The following FHIT variants were observed in gnomAD, a reference collection of about 807,000 sequenced individuals.
The protein encoded by FHIT is bis(5'-adenosyl)-triphosphatase.
Under a neutral mutation model 17.9 loss-of-function variants are expected in FHIT, and 19 were observed. The ratio of observed to expected loss-of-function variants is 1.06; its 90% CI spans 0.74 to 1.56. The LOEUF (loss-of-function observed/expected upper bound fraction) is 1.56, where lower values mean the gene tolerates loss of function less well. FHIT is among the 40% of genes most tolerant of loss of function. The pLI, the probability that FHIT is intolerant of heterozygous loss-of-function variation, is 0.00. For synonymous variants in FHIT, 81 were observed against 69.7 expected (o/e 1.16, Z -0.81); for missense variants, 248 against 189.2 (o/e 1.31, Z -1.82).
chr3:59,846,787 T>C (rs1180223964), intron 8 of FHIT, among the ~76,000 whole-genome samples: 2 of 152,206 alleles, frequency 1.3e-5, no homozygotes, highest in Non-Finnish European at 2.9e-5. Context: ...TCTCAGGTTT[T>C]ATCTGGGAAT....
rs147496729 is a variant in FHIT, at chr3:60,087,876, T to C, written c.104-73724A>G. 3.3e-5 allele frequency among the ~76,000 whole-genome samples: 5 copies of C among 152,298 alleles called. No homozygotes were observed. The East Asian group carries it at 9.6e-4, about 29-fold the overall frequency. ...TCCAAACTCTTCCGACTGCTGCCCA[T>C]TACCCCCAACCACTGGGTACTAATT... On this transcript the variant is annotated intron_variant, in intron 5 of 9. Coordinates refer to ENST00000492590, the MANE Select transcript of FHIT (RefSeq NM_002012.4).
chr3:60,175,698 G>A (rs1701638743), intron 5 of FHIT, among the ~76,000 whole-genome samples: 3 of 152,034 alleles, frequency 2.0e-5, no homozygotes, highest in African/African-American at 7.2e-5. Flanking sequence ...TTTTTCAGAA[G>A]GGCAACAAGA....
chr3:61,093,652 A>G (rs536851099), intron 2 of FHIT, among the ~76,000 whole-genome samples: 86 of 152,332 alleles, frequency 5.6e-4, no homozygotes, highest in Non-Finnish European at 1.1e-3. Flanking sequence ...CATCTGCCAC[A>G]TGTAAGCTAT....
At chr3:59,904,227 T>TAA (rs10691217) in intron 8 of FHIT, among the ~76,000 whole-genome samples, 38,005 of 131,982 alleles carry the variant, frequency 0.29, 6,250 homozygotes, top group Admixed American at 0.42. Context: ...AAATCATGGT[T>TAA]AAAAAAAAAA....
chr3:60,901,698 T>C (rs1706122477), intron 3 of FHIT, among the ~76,000 whole-genome samples: 2 of 152,178 alleles, frequency 1.3e-5, no homozygotes, highest in Non-Finnish European at 2.9e-5. Flanking sequence ...AATAATGTCA[T>C]TCTCATTCAC....
chr3:60,904,937 T>TAAAA (rs34683848), intron 3 of FHIT, among the ~76,000 whole-genome samples: 5 of 132,426 alleles, frequency 3.8e-5, no homozygotes, highest in African/African-American at 1.2e-4. Flanking sequence ...AGACTTGGTC[T>TAAAA]AAAAAAAAAA....
intron 4 of FHIT, among the ~76,000 whole-genome samples, chr3:60,545,710 A>G (rs1234835452): frequency 1.3e-5 from 2 of 152,148 alleles, no homozygotes; most frequent in Non-Finnish European, 2.9e-5. Context: ...TGTTAAGAGA[A>G]CCTCTAAGCT....
intron 1 of FHIT, among the ~76,000 whole-genome samples, chr3:61,211,565 C>T (rs1423867750): frequency 6.6e-6 from 1 of 152,202 alleles, no homozygotes; most frequent in African/African-American, 2.4e-5. Context: ...TGGGCTCCAC[C>T]TCTGGGGGCA....
chr3:59,882,296 T>C (rs73100649), intron 8 of FHIT, among the ~76,000 whole-genome samples: 7,398 of 152,238 alleles, frequency 0.049, 237 homozygotes, highest in African/African-American at 0.096. Context: ...ATATCGTTTA[T>C]GAAACAAATT....
At chr3:60,117,162 T>C (rs539953168) in intron 5 of FHIT, among the ~76,000 whole-genome samples, 2 of 152,138 alleles carry the variant, frequency 1.3e-5, no homozygotes, top group African/African-American at 2.4e-5. Context: ...AAATGGCTGA[T>C]AAGATTTCCA....
chr3:60,312,884 T>C (rs1469305224), intron 5 of FHIT, among the ~76,000 whole-genome samples: 1 of 152,176 alleles, frequency 6.6e-6, no homozygotes, highest in Non-Finnish European at 1.5e-5. Context: ...ATCACCTCAA[T>C]TCACTACAGA....
At chr3:60,922,236 G>A (rs1196530523) in intron 3 of FHIT, among the ~76,000 whole-genome samples, 1 of 152,194 alleles carries the variant, frequency 6.6e-6, no homozygotes, top group Non-Finnish European at 1.5e-5. Flanking sequence ...AATTATTCCC[G>A]ACTTGCTTGG....
intron 5 of FHIT, among the ~76,000 whole-genome samples, chr3:60,383,086 G>A (rs1700872239): frequency 6.6e-6 from 1 of 152,100 alleles, no homozygotes; most frequent in African/African-American, 2.4e-5. Context: ...TAAACCATCT[G>A]AGTTACATTA....
intron 3 of FHIT, among the ~76,000 whole-genome samples, chr3:60,991,071 A>G (rs937322308): frequency 6.6e-6 from 1 of 152,216 alleles, no homozygotes; most frequent in African/African-American, 2.4e-5. Flanking sequence ...AACGTGATAG[A>G]GAGACAGGTC....
intron 4 of FHIT, among the ~76,000 whole-genome samples, chr3:60,624,083 C>CCA (rs2039212375): frequency 1.3e-5 from 2 of 152,180 alleles, no homozygotes; most frequent in Admixed American, 6.5e-5. Flanking sequence ...GCTGTTTAAT[C>CCA]CATGCCTAAG....
intron 5 of FHIT, among the ~76,000 whole-genome samples, chr3:60,032,476 T>TA (rs1219999114): frequency 6.6e-6 from 1 of 151,412 alleles, no homozygotes; most frequent in Non-Finnish European, 1.5e-5. Context: ...AAATAAAAAA[T>TA]AAAAACATTA....
chr3:60,251,767 C>A (rs1261215358), intron 5 of FHIT, among the ~76,000 whole-genome samples: 1 of 152,164 alleles, frequency 6.6e-6, no homozygotes, highest in African/African-American at 2.4e-5. Flanking sequence ...CCTTTCTTTT[C>A]CCTCCCATTT....
At chr3:61,101,100 T>C (rs1021494384) in intron 2 of FHIT, among the ~76,000 whole-genome samples, 1 of 152,222 alleles carries the variant, frequency 6.6e-6, no homozygotes, top group African/African-American at 2.4e-5. Flanking sequence ...TTTGTTGCCA[T>C]TGCTTTTGGT....
intron 8 of FHIT, among the ~76,000 whole-genome samples, chr3:59,908,856 T>G (rs1174924891): frequency 1.3e-5 from 2 of 151,504 alleles, no homozygotes; most frequent in African/African-American, 4.8e-5. Flanking sequence ...TTTTTAATAG[T>G]CCAACTGGTG....
Sources: gnomAD v4.1 joint callset for allele counts (sites outside exome capture counted in the v4.1 genomes callset) on GRCh38, gnomAD v4.1.1 for gene constraint, MANE v1.5 for transcripts, NCBI Gene and HGNC (gene_info 2026-07-23, HGNC 2026-07-21) for gene names.